The following CACNA1E variants were observed in gnomAD, a reference collection of about 807,000 sequenced individuals.
CACNA1E encodes voltage-dependent R-type calcium channel subunit alpha-1E.
Under a neutral mutation model 259.2 loss-of-function variants are expected in CACNA1E, and 40 were observed. The observed-to-expected ratio is 0.15, with a 90% confidence interval of 0.12 to 0.20. The LOEUF (loss-of-function observed/expected upper bound fraction) is 0.20. Among genes scored for constraint, CACNA1E ranks in the 10% least tolerant of loss-of-function variants. The pLI is 1.00. For synonymous variants in CACNA1E, 1,104 were observed against 1,138.5 expected (o/e 0.97, Z 0.61); for missense variants, 1,874 against 3,040.1 (o/e 0.62, Z 9.02).
At chr1:181,329,196 A>G (rs1209783656) in intron 1 of CACNA1E, among the ~76,000 whole-genome samples, 3 of 151,830 alleles carry the variant, frequency 2.0e-5, no homozygotes, top group Admixed American at 6.6e-5. Context: ...TTATCCCTCA[A>G]TATGTCTCGA....
chr1:181,424,262 C>T (rs1284349151), intron 2 of CACNA1E, among the ~76,000 whole-genome samples: 1 of 152,226 alleles, frequency 6.6e-6, no homozygotes, highest in Non-Finnish European at 1.5e-5. Context: ...GAGAATTGGG[C>T]TTCCCTTAGG....
At chr1:181,780,254 T>C (rs1660309042) in intron 38 of CACNA1E, among the ~76,000 whole-genome samples, 1 of 152,196 alleles carries the variant, frequency 6.6e-6, no homozygotes, top group Non-Finnish European at 1.5e-5. Context: ...CATGGGTTGC[T>C]GTGAGGGATC....
At chr1:181,388,293 G>C (rs1236420600) in intron 1 of CACNA1E, among the ~76,000 whole-genome samples, 1 of 152,158 alleles carries the variant, frequency 6.6e-6, no homozygotes, top group Non-Finnish European at 1.5e-5. Context: ...CCCTCAATTA[G>C]CCAATGCTGA....
chr1:181,781,320 T>C, intron 38 of CACNA1E, 107 bp from the exon 39 acceptor site: 1 of 674,520 alleles, frequency 1.5e-6, no homozygotes, highest in South Asian at 1.6e-5. Flanking sequence ...ATGCCTATTC[T>C]CCTCTCCTAT....
chr1:181,546,607 G>C, intron 3 of CACNA1E, among the ~76,000 whole-genome samples: 1 of 152,172 alleles, frequency 6.6e-6, no homozygotes, highest in East Asian at 1.9e-4. Flanking sequence ...GTGGAAGGGG[G>C]CTCTTAGTAG....
intron 3 of CACNA1E, among the ~76,000 whole-genome samples, chr1:181,524,023 G>A (rs1009559710): frequency 1.2e-4 from 19 of 152,238 alleles, no homozygotes; most frequent in Admixed American, 3.3e-4. Context: ...CTTTTGGGAA[G>A]CCATGCTGTC....
At chr1:181,337,756 C>T (rs1412577454) in intron 1 of CACNA1E, among the ~76,000 whole-genome samples, 1 of 152,160 alleles carries the variant, frequency 6.6e-6, no homozygotes, top group African/African-American at 2.4e-5. Flanking sequence ...ATCCACTCAT[C>T]CATCGGTAGA....
At chr1:181,710,925 C>T (rs183644369) in intron 7 of CACNA1E, 29 bp from the exon 8 acceptor site, 2 of 1,498,318 alleles carry the variant, frequency 1.3e-6, no homozygotes, top group East Asian at 2.3e-5. Context: ...CTGTCCAAAC[C>T]CAGTGAATCT....
chr1:181,660,841 C>A (rs934963148), intron 7 of CACNA1E, among the ~76,000 whole-genome samples: 6 of 152,182 alleles, frequency 3.9e-5, no homozygotes, highest in Middle Eastern at 3.2e-3. Context: ...GGGATTCTAA[C>A]ACTGGAATCA....
chr1:181,602,930 G>T (rs1653876461), intron 6 of CACNA1E, among the ~76,000 whole-genome samples: 1 of 152,164 alleles, frequency 6.6e-6, no homozygotes, highest in South Asian at 2.1e-4. Flanking sequence ...AGGATCTCTT[G>T]CTGGGGGATA....
chr1:181,325,236 T>G (rs2257166), intron 1 of CACNA1E, among the ~76,000 whole-genome samples: 125,051 of 152,166 alleles, frequency 0.82, 51,611 homozygotes, highest in African/African-American at 0.89. Flanking sequence ...AGACATCTTG[T>G]GTGACAGCTG....
intron 7 of CACNA1E, among the ~76,000 whole-genome samples, chr1:181,655,143 T>C (rs1271891602): frequency 6.6e-6 from 1 of 152,152 alleles, no homozygotes; most frequent in Non-Finnish European, 1.5e-5. Context: ...ATTTTGAATG[T>C]ATTATAATTT....
intron 1 of CACNA1E, among the ~76,000 whole-genome samples, chr1:181,389,841 A>T (rs1656130639): frequency 6.6e-6 from 1 of 152,238 alleles, no homozygotes; most frequent in African/African-American, 2.4e-5. Flanking sequence ...AGAGAATGAA[A>T]TGTGACAAGA....
At position 181,776,033 on chromosome 1, in the gene CACNA1E, C is replaced by T; in HGVS notation, c.5140-68C>T. ...AACACCCTCCTCCATGCCCTGAAGC[C>T]TGTTCTTCTGCTTCCTGAGCTCTGC... is the stretch of plus-strand genomic sequence containing the variant. On this transcript the variant is annotated intron_variant, in intron 37 of 47. Coordinates refer to ENST00000367573, the MANE Select transcript of CACNA1E (RefSeq NM_001205293.3). The surrounding 1 kb of genome is among the most constrained non-coding windows in gnomAD (Gnocchi z 4.4). 6.7e-7 allele frequency: 1 copy of T among 1,482,928 alleles called. No homozygotes were observed. The highest frequency in any genetic ancestry group is 1.8e-5 in the Admixed American group (1 of 54,446). 91.9% of individuals were successfully genotyped at this position (1,482,928 alleles called of 1,614,324 possible).
intron 7 of CACNA1E, among the ~76,000 whole-genome samples, chr1:181,680,389 G>C (rs1315206946): frequency 6.6e-6 from 1 of 152,190 alleles, no homozygotes; most frequent in Non-Finnish European, 1.5e-5. Flanking sequence ...TGAAGGATGT[G>C]ATCTGGGGTG....
At chr1:181,624,951 T>C (rs199935) in intron 6 of CACNA1E, among the ~76,000 whole-genome samples, 110,561 of 152,040 alleles carry the variant, frequency 0.73, 41,827 homozygotes, top group East Asian at 0.95. Flanking sequence ...AGAATGGATG[T>C]TGTGTTATCA....
intron 2 of CACNA1E, among the ~76,000 whole-genome samples, chr1:181,438,204 T>G (rs1660218273): frequency 6.6e-6 from 1 of 152,184 alleles, no homozygotes; most frequent in South Asian, 2.1e-4. Context: ...TCTCAGAACA[T>G]GATATGCACG....
chr1:181,449,988 A>G (rs1661047781), intron 2 of CACNA1E, among the ~76,000 whole-genome samples: 1 of 152,162 alleles, frequency 6.6e-6, no homozygotes, highest in Non-Finnish European at 1.5e-5. Context: ...TTTATGAAGA[A>G]AAGAGGTTTA....
At position 181,758,558 on chromosome 1, in the gene CACNA1E, G is replaced by A. The variant is rs1395797931; in HGVS notation, c.4495-200G>A. On this transcript the variant is annotated intron_variant, in intron 31 of 47. Coordinates refer to ENST00000367573, the MANE Select transcript of CACNA1E (RefSeq NM_001205293.3). This position sits in a 1 kb window ranked among gnomAD's most constrained non-coding sequence, Gnocchi z 4.2. ...GTTTTGCTATTAAGTCTGGTGGGGCGTGGGTCTGTGTTTTCCTTTGTTTTG... is the reference window on the plus strand; with the variant it reads ...GTTTTGCTATTAAGTCTGGTGGGGCATGGGTCTGTGTTTTCCTTTGTTTTG... Among the ~76,000 whole-genome samples, 3 of 152,170 alleles carry A rather than the reference G, an allele frequency of 2.0e-5. No homozygotes were observed. The highest frequency in any genetic ancestry group is 6.5e-5 in the Admixed American group (1 of 15,282).
Sources: gnomAD v4.1 joint callset for allele counts (sites outside exome capture counted in the v4.1 genomes callset) on GRCh38, gnomAD v4.1.1 for gene constraint, Gnocchi (gnomAD v3.1) non-coding constraint, MANE v1.5 for transcripts, NCBI Gene and HGNC (gene_info 2026-07-23, HGNC 2026-07-21) for gene names.